The following CPEB3 variants were observed in gnomAD, a reference collection of about 807,000 sequenced individuals.
CPEB3 encodes the protein cytoplasmic polyadenylation element binding protein 3.
In CPEB3, 20 loss-of-function variants were observed where a neutral mutation model predicts 67.2. The observed-to-expected ratio is 0.30, with a 90% CI of 0.21 to 0.43. The LOEUF is 0.43. Ranked by LOEUF, CPEB3 falls within the 20% of genes least tolerant of loss-of-function variation. The probability of loss-of-function intolerance (pLI) is 1.00; values close to 1 mark genes in which losing one functional copy is unlikely to be tolerated. For synonymous variants in CPEB3, 376 were observed against 393.1 expected (o/e 0.96, Z 0.51); for missense variants, 746 against 968.6 (o/e 0.77, Z 3.05).
rs542743419 is a variant in CPEB3 at position 92,080,169 on chromosome 10, T to C, written c.1869+1151A>G. Among the ~76,000 whole-genome samples, 166 of 149,294 alleles carry C rather than the reference T, an allele frequency of 1.1e-3. 4 individuals are homozygous for C. The highest frequency in any genetic ancestry group is 2.1e-3 in the Non-Finnish European group (141 of 67,638). ...TTGCAGTGAGCCAAGATTGCGCCAC[T>C]GCACTCCAGCCTGGGTGACTGAGCA... On this transcript the variant is annotated intron_variant, in intron 9 of 9. Coordinates refer to ENST00000265997, the MANE Select transcript of CPEB3 (RefSeq NM_014912.5).
chr10:92,056,389 G>A (rs957305514), intron 9 of CPEB3, among the ~76,000 whole-genome samples: 41 of 152,034 alleles, frequency 2.7e-4, no homozygotes, highest in Non-Finnish European at 3.2e-4. Context: ...CACAAGAACA[G>A]GAAGTTAATA....
At chr10:92,151,982 T>C (rs1239495593) in intron 4 of CPEB3, among the ~76,000 whole-genome samples, 2 of 152,304 alleles carry the variant, frequency 1.3e-5, no homozygotes, top group Admixed American at 1.3e-4. Context: ...CAACCAGACG[T>C]GCTCTTTTAA....
chr10:92,058,154 G>T (rs1252254334), intron 9 of CPEB3, among the ~76,000 whole-genome samples: 3 of 152,174 alleles, frequency 2.0e-5, no homozygotes, highest in Non-Finnish European at 4.4e-5. Context: ...TTCAGACAGA[G>T]AATTCAAAAT....
chr10:92,168,592 T>C (rs1344773434), intron 4 of CPEB3, among the ~76,000 whole-genome samples: 1 of 152,116 alleles, frequency 6.6e-6, no homozygotes, highest in African/African-American at 2.4e-5. Context: ...GTTACCCCCA[T>C]GCTGCTGTTC....
At chr10:92,216,200 G>A (rs1850378870) in intron 2 of CPEB3, 6 of 736,532 alleles carry the variant, frequency 8.1e-6, no homozygotes, top group Non-Finnish European at 1.3e-5. Flanking sequence ...CACTTTGGGA[G>A]GCCGAGGAGC....
At chr10:92,282,943 C>T (rs747749200) in intron 1 of CPEB3, among the ~76,000 whole-genome samples, 5 of 152,078 alleles carry the variant, frequency 3.3e-5, no homozygotes, top group Non-Finnish European at 5.9e-5. Flanking sequence ...ACCATACATA[C>T]CACTCCAAGA....
intron 2 of CPEB3, among the ~76,000 whole-genome samples, chr10:92,199,895 CAG>C (rs34608647): frequency 0.66 from 97,116 of 147,916 alleles, 32,392 homozygotes; most frequent in African/African-American, 0.8. Context: ...TCCAAACACA[CAG>C]AGAGAGAGAG....
chr10:92,239,266 G>T lies in CPEB3; in HGVS notation c.1005+80C>A. The T allele has an allele frequency of 1.4e-6, 2 of 1,450,434 alleles. No individual in the cohort carries two copies. Among genetic ancestry groups the T allele is most frequent in the Non-Finnish European group, 1.9e-6 (2 of 1,061,170 alleles). The allele number at this position is 1,450,434 out of a possible 1,614,324, so 89.8% of individuals were successfully genotyped here. On this transcript the variant is annotated intron_variant, in intron 2 of 9. Coordinates refer to ENST00000265997, the MANE Select transcript of CPEB3 (RefSeq NM_014912.5). The surrounding 1 kb of genome is among the most constrained non-coding windows in gnomAD (Gnocchi z 6.0). ...ATTGCTGCCCTTTTTAAATATAAGC[G>T]GGTGGATGATTAAAAGTCAGAGAAG...
chr10:92,289,264 G>A (rs1361155653), intron 1 of CPEB3, among the ~76,000 whole-genome samples: 42 of 151,284 alleles, frequency 2.8e-4, no homozygotes, highest in Admixed American at 2.8e-3. Flanking sequence ...TAGACCAGGC[G>A]CGGTGGCTCG....
chr10:92,211,455 CTG>C (rs1850078332), intron 2 of CPEB3, among the ~76,000 whole-genome samples: 1 of 152,058 alleles, frequency 6.6e-6, no homozygotes, highest in South Asian at 2.1e-4. Context: ...AACAGATAAA[CTG>C]TGCCAAATCA....
chr10:92,098,982 G>T (rs547758308), intron 7 of CPEB3, among the ~76,000 whole-genome samples: 6 of 151,736 alleles, frequency 4.0e-5, no homozygotes, highest in African/African-American at 1.5e-4. Context: ...ATGTTGGCCA[G>T]GCTGGTCTCA....
Position 92,129,779 on chromosome 10 carries a change from C to T in CPEB3, c.1453+13250G>A, listed in dbSNP as rs112481719. Among the ~76,000 whole-genome samples, 1,493 of 152,242 alleles carry T rather than the reference C, an allele frequency of 9.8e-3. 23 individuals carry two copies. Among genetic ancestry groups the T allele is most frequent in the African/African-American group, 0.034 (1,400 of 41,550 alleles). On this transcript the variant is annotated intron_variant, in intron 6 of 9. Coordinates refer to ENST00000265997, the MANE Select transcript of CPEB3 (RefSeq NM_014912.5). ...CATCCCTGTTGCGCATGGTAGCTCA[C>T]GCCTGTAATCCCAACACTTTGGGAG...
intron 2 of CPEB3, among the ~76,000 whole-genome samples, chr10:92,196,840 G>A (rs1849263560): frequency 1.3e-5 from 2 of 151,804 alleles, no homozygotes; most frequent in Admixed American, 1.3e-4. Context: ...GCTGAGGCAG[G>A]AGAATCACTT....
At chr10:92,093,335 T>C (rs1163020428) in intron 7 of CPEB3, among the ~76,000 whole-genome samples, 2 of 152,216 alleles carry the variant, frequency 1.3e-5, no homozygotes, top group African/African-American at 4.8e-5. Flanking sequence ...ATTTCCCCCT[T>C]GCTCAGAAAT....
chr10:92,047,247 G>A lies in CPEB3; in HGVS notation c.*4965C>T, dbSNP rs1852140271. ...ACACTATTGCAGCTGAGATAGAGAAGTTTGGTTATTATAAAAGAAAAAAAA... is the reference window on the plus strand; with the variant it reads ...ACACTATTGCAGCTGAGATAGAGAAATTTGGTTATTATAAAAGAAAAAAAA... On this transcript the variant is annotated 3_prime_UTR_variant, in exon 10 of 10. Coordinates refer to ENST00000265997, the MANE Select transcript of CPEB3 (RefSeq NM_014912.5). 6.8e-6 allele frequency: 1 copy of A among 147,028 alleles called. No individual in the cohort carries two copies. Among genetic ancestry groups the A allele is most frequent in the South Asian group, 2.4e-4 (1 of 4,194 alleles). The allele number at this position is 147,028 out of a possible 1,614,324, so 9.1% of individuals were successfully genotyped here. A position where few individuals can be genotyped will look rare whatever the true frequency, so the allele number is the denominator to read the frequency against.
At chr10:92,079,983 GA>G (rs1843076797) in intron 9 of CPEB3, among the ~76,000 whole-genome samples, 1 of 151,562 alleles carries the variant, frequency 6.6e-6, no homozygotes, top group Non-Finnish European at 1.5e-5. Context: ...GGTGGATCAC[GA>G]GGTCAGGAGA....
intron 2 of CPEB3, among the ~76,000 whole-genome samples, chr10:92,238,800 C>T (rs567416702): frequency 5.9e-5 from 9 of 152,246 alleles, no homozygotes; most frequent in African/African-American, 2.2e-4. Context: ...AGCACCTTAG[C>T]GAGACATAAA....
At chr10:92,059,325 C>CAAAA (rs61034093) in intron 9 of CPEB3, among the ~76,000 whole-genome samples, 2 of 101,230 alleles carry the variant, frequency 2.0e-5, no homozygotes, top group South Asian at 3.5e-4. Flanking sequence ...GAAACTCTGT[C>CAAAA]AAAAAAAAAA....
rs954346196 is a variant in CPEB3 at position 92,050,179 on chromosome 10, C to A, written c.*2033G>T. ...AAAAACCCACAAACATAGAAAAAAA[C>A]AAACAAAACCACACCTGGGCTGGAA... On this transcript the variant is annotated 3_prime_UTR_variant, in exon 10 of 10. Coordinates refer to ENST00000265997, the MANE Select transcript of CPEB3 (RefSeq NM_014912.5). The A allele has an allele frequency of 9.9e-5, 15 of 151,060 alleles. No homozygotes were observed. Among genetic ancestry groups the A allele is most frequent in the Non-Finnish European group, 1.6e-4 (11 of 67,642 alleles). 9.4% of individuals were successfully genotyped at this position (151,060 alleles called of 1,614,324 possible).
Sources: allele counts gnomAD v4.1 joint callset (sites outside exome capture counted in the v4.1 genomes callset), GRCh38; gene constraint gnomAD v4.1.1; non-coding constraint Gnocchi (gnomAD v3.1); transcripts MANE v1.5; gene names NCBI Gene and HGNC (gene_info 2026-07-23, HGNC 2026-07-21).